PLPPR4: variants seen among roughly 807,000 people sequenced by gnomAD.
PLPPR4 encodes phospholipid phosphatase-related protein type 4.
Under a neutral mutation model 56.6 loss-of-function variants are expected in PLPPR4, and 24 were observed. The ratio of observed to expected loss-of-function variants is 0.42; its 90% confidence interval spans 0.31 to 0.60. The LOEUF is 0.60. PLPPR4 is among the 20% of genes least tolerant of loss of function. The pLI is 0.13. For synonymous variants in PLPPR4, 326 were observed against 328.1 expected (o/e 0.99, Z 0.07); for missense variants, 654 against 885.8 (o/e 0.74, Z 3.32).
chr1:99,301,925 C>T (rs368107343), intron 6 of PLPPR4, 28 bp downstream of exon 6: 1 of 1,509,000 alleles, frequency 6.6e-7, no homozygotes, highest in East Asian at 2.3e-5. Context: ...ATCTTATAAG[C>T]CAAAGTTTAA....
At chr1:99,303,373 A>G (rs1177090732) in intron 6 of PLPPR4, among the ~76,000 whole-genome samples, 1 of 152,160 alleles carries the variant, frequency 6.6e-6, no homozygotes, top group African/African-American at 2.4e-5. Flanking sequence ...TGAGGGGATC[A>G]ATTGAATCAA....
intron 2 of PLPPR4, among the ~76,000 whole-genome samples, chr1:99,295,280 A>G (rs1336791821): frequency 6.6e-6 from 1 of 152,212 alleles, no homozygotes. Flanking sequence ...ATTCTCTATA[A>G]TTAAACATGT....
At chr1:99,269,935 A>C (rs1000357760) in intron 1 of PLPPR4, among the ~76,000 whole-genome samples, 7 of 152,026 alleles carry the variant, frequency 4.6e-5, no homozygotes, top group African/African-American at 1.7e-4. Flanking sequence ...TATCTGAAGC[A>C]TTCCAATTCA....
intron 1 of PLPPR4, among the ~76,000 whole-genome samples, chr1:99,266,762 A>C (rs183424839): frequency 6.6e-6 from 1 of 152,374 alleles, no homozygotes; most frequent in Non-Finnish European, 1.5e-5. Context: ...CTTCCTAAAA[A>C]TTAAATGCAT....
In PLPPR4 at chr1:99,279,513, C is replaced by T. The variant is rs116094893; in HGVS notation, c.79-8452C>T. ...TAACGTTCAGGACCTGAGGGCACCA[C>T]ATCAGTGAGAGTGTGATTTGAAAGT... On this transcript the variant is annotated intron_variant, in intron 1 of 6. Coordinates refer to ENST00000370185, the MANE Select transcript of PLPPR4 (RefSeq NM_014839.5). Among the ~76,000 whole-genome samples, 494 of 152,326 alleles carry T rather than the reference C, an allele frequency of 3.2e-3. 2 individuals are homozygous for T. The highest frequency in any genetic ancestry group is 0.011 in the African/African-American group (463 of 41,580).
chr1:99,308,102 T>C lies in PLPPR4; in HGVS notation c.*1092T>C, dbSNP rs555038721. 6 of 152,322 alleles carry C rather than the reference T, an allele frequency of 3.9e-5. No homozygotes were observed. The South Asian group carries it at 1.2e-3, about 32-fold the overall frequency. The allele number at this position is 152,322 out of a possible 1,614,324, so 9.4% of individuals were successfully genotyped here. A position where few individuals can be genotyped will look rare whatever the true frequency, so the allele number is the denominator to read the frequency against. On this transcript the variant is annotated 3_prime_UTR_variant, in exon 7 of 7. Transcript: ENST00000370185. ...CAACTAGCTGGCATAGGTTGCCATC[T>C]TAACAAGTAATCTAAAAGTCCCATT... is the stretch of plus-strand genomic sequence containing the variant.
At chr1:99,270,912 T>C (rs760940475) in intron 1 of PLPPR4, among the ~76,000 whole-genome samples, 1 of 152,208 alleles carries the variant, frequency 6.6e-6, no homozygotes, top group Non-Finnish European at 1.5e-5. Flanking sequence ...CAAAATAAAG[T>C]AAATAGAGAA....
At chr1:99,292,176 A>T (rs1659639198) in intron 2 of PLPPR4, among the ~76,000 whole-genome samples, 1 of 152,100 alleles carries the variant, frequency 6.6e-6, no homozygotes, top group African/African-American at 2.4e-5. Flanking sequence ...TTTCTCCTCC[A>T]GGGTATTTTA....
chr1:99,301,062 T>C, intron 5 of PLPPR4, 96 bp downstream of exon 5: 1 of 1,078,856 alleles, frequency 9.3e-7, no homozygotes, highest in Non-Finnish European at 1.4e-6. Context: ...TATAACCATG[T>C]AATAACAGAA....
intron 5 of PLPPR4, among the ~76,000 whole-genome samples, 161 bp downstream of exon 5, chr1:99,301,127 A>G (rs543861897): frequency 1.1e-4 from 16 of 152,246 alleles, no homozygotes; most frequent in Admixed American, 9.8e-4. Context: ...GCAGAAATCA[A>G]ACACTACTAT....
chr1:99,305,604 T>C (rs948726599), intron 6 of PLPPR4, 81 bp from the exon 7 acceptor site: 2 of 1,358,390 alleles, frequency 1.5e-6, no homozygotes, highest in Non-Finnish European at 2.0e-6. Context: ...TACCTATGTA[T>C]GTACTTCAGT....
intron 6 of PLPPR4, among the ~76,000 whole-genome samples, chr1:99,303,111 T>C (rs990966472): frequency 8.5e-5 from 13 of 152,078 alleles, no homozygotes; most frequent in Non-Finnish European, 1.9e-4. Flanking sequence ...TGTATGTGTG[T>C]AGCTGTTGTT....
At chr1:99,299,775 G>T (rs1659836579) in intron 4 of PLPPR4, among the ~76,000 whole-genome samples, 1 of 151,844 alleles carries the variant, frequency 6.6e-6, no homozygotes, top group South Asian at 2.1e-4. Context: ...ATGAACCCGG[G>T]TGTGCATAGC....
In PLPPR4 at chr1:99,306,240, G is replaced by A. The variant is rs759491610; in HGVS notation, c.1378G>A (p.Ala460Thr). The A allele has an allele frequency of 4.3e-6, 7 of 1,614,004 alleles. No homozygotes were observed. The highest frequency in any genetic ancestry group is 1.7e-5 in the Admixed American group (1 of 59,984). The change falls in exon 7 of 7, where the codon GCT (alanine) becomes ACT (threonine). Residue 460 changes from alanine to threonine, a missense_variant. Ala to Thr is a moderately conservative substitution (Grantham distance 58). Around this residue, in one of 2 missense-constraint regions of PLPPR4, gnomAD observed 468 missense variants for 554.3 expected, o/e 0.84. Coordinates refer to ENST00000370185, the MANE Select transcript of PLPPR4 (RefSeq NM_014839.5). The surrounding 1 kb of genome is among the most constrained non-coding windows in gnomAD (Gnocchi z 4.0). Reference protein sequence around the residue: ...GNQYLKIQPGAVPGCNNSMPG... With the variant: ...GNQYLKIQPGTVPGCNNSMPG... ...TCAGTACCTCAAAATCCAGCCTGGC[G>A]CTGTCCCCGGATGTAACAACAGCAT... is the stretch of plus-strand genomic sequence containing the variant.
chr1:99,297,499 TA>T (rs1321888740), intron 3 of PLPPR4, among the ~76,000 whole-genome samples: 4 of 152,292 alleles, frequency 2.6e-5, no homozygotes, highest in Admixed American at 1.3e-4. Flanking sequence ...ATAGGTCTTT[TA>T]TTTTTTTAAT....
rs757290617 is a variant in PLPPR4 at position 99,306,905 on chromosome 1, G to A, written c.2043G>A (p.Arg681=). The change falls in exon 7 of 7, where the codon CGG becomes CGA. Residue 681 remains arginine (R), a synonymous_variant. Transcript: ENST00000370185. This position sits in a 1 kb window ranked among gnomAD's most constrained non-coding sequence, Gnocchi z 4.0. ...SISSSRDSTL[R]RKGNIILIPE... ...CTTCTTCCCGCGACTCCACCCTGCG[G>A]AGAAAGGGCAATATCATTCTAATCC... The A allele has an allele frequency of 3.1e-6, 5 of 1,613,996 alleles. No individual in the cohort carries two copies. In the African/African-American group the frequency reaches 6.7e-5, roughly 22 times the overall value.
chr1:99,298,738 C>T, intron 3 of PLPPR4: 1 of 582,148 alleles, frequency 1.7e-6, no homozygotes. Context: ...CAAATAATAC[C>T]TTAGCATGTT....
chr1:99,264,350 A>G (rs570323135), upstream of PLPPR4: 397 of 1,019,904 alleles, frequency 3.9e-4, 5 homozygotes, highest in South Asian at 5.7e-3. Context: ...CGCCAGAAAA[A>G]CGGGGAGCAG....
chr1:99,307,185 A>G lies in PLPPR4; in HGVS notation c.*175A>G, dbSNP rs1660052685. 8.5e-6 allele frequency: 6 copies of G among 709,316 alleles called. No individual in the cohort carries two copies. In the South Asian group the frequency reaches 1.2e-4, roughly 14 times the overall value. The allele number at this position is 709,316 out of a possible 1,614,324, so 43.9% of individuals were successfully genotyped here. A position where few individuals can be genotyped will look rare whatever the true frequency, so the allele number is the denominator to read the frequency against. ...AACTTGCAGATCTCACATCAAGGAG[A>G]GGGAAAAGCACAATGCAAGAACCTA... On this transcript the variant is annotated 3_prime_UTR_variant, in exon 7 of 7. Coordinates refer to ENST00000370185, the MANE Select transcript of PLPPR4 (RefSeq NM_014839.5).
Sources: gnomAD v4.1 joint callset for allele counts (sites outside exome capture counted in the v4.1 genomes callset) on GRCh38, gnomAD v4.1.1 for gene constraint, gnomAD v4.1.1 regional missense constraint, Gnocchi (gnomAD v3.1) non-coding constraint, MANE v1.5 for transcripts, NCBI Gene and HGNC (gene_info 2026-07-23, HGNC 2026-07-21) for gene names.